Variants in ROCK1 observed in about 807,000 individuals in gnomAD.
The protein encoded by ROCK1 is rho-associated protein kinase 1.
In ROCK1, 36 loss-of-function variants were observed where a neutral mutation model predicts 196.8. That is an observed-to-expected ratio of 0.18 (90% CI 0.14 to 0.24). The LOEUF (loss-of-function observed/expected upper bound fraction) is 0.24. Ranked by LOEUF, ROCK1 falls within the 10% of genes least tolerant of loss-of-function variation. ROCK1 has a pLI of 1.00. For missense variants in ROCK1, 920 were observed against 1,562.0 expected (o/e 0.59, Z 6.93); for synonymous variants, 443 against 515.9 (o/e 0.86, Z 1.91).
At chr18:20,974,285 A>G (rs1332851549) in intron 22 of ROCK1, among the ~76,000 whole-genome samples, 1 of 152,196 alleles carries the variant, frequency 6.6e-6, no homozygotes, top group Non-Finnish European at 1.5e-5. Context: ...TAATTTTCTT[A>G]GGAGAGTAGT....
intron 13 of ROCK1, among the ~76,000 whole-genome samples, chr18:21,010,585 CTG>C (rs1300051656): frequency 6.6e-6 from 1 of 152,120 alleles, no homozygotes; most frequent in Non-Finnish European, 1.5e-5. Context: ...GGTCAGGAAA[CTG>C]TATGATTTCA....
chr18:20,992,407 A>G (rs546050359), intron 17 of ROCK1, among the ~76,000 whole-genome samples: 3 of 152,332 alleles, frequency 2.0e-5, no homozygotes, highest in Admixed American at 6.5e-5. Flanking sequence ...GCAAAGGCCA[A>G]TCACTTTATG....
intron 9 of ROCK1, among the ~76,000 whole-genome samples, chr18:21,036,490 G>A (rs1219632880): frequency 6.6e-6 from 1 of 152,074 alleles, no homozygotes; most frequent in Admixed American, 6.6e-5. Context: ...TGTTGCCCAG[G>A]CTGGAATGCA....
chr18:20,979,074 C>G (rs1364085081), intron 22 of ROCK1, among the ~76,000 whole-genome samples: 1 of 152,128 alleles, frequency 6.6e-6, no homozygotes, highest in Non-Finnish European at 1.5e-5. Flanking sequence ...TAAAATGAAG[C>G]TGTTACACTT....
At chr18:20,995,688 C>T (rs373942896) in intron 16 of ROCK1, among the ~76,000 whole-genome samples, 1 of 152,110 alleles carries the variant, frequency 6.6e-6, no homozygotes, top group East Asian at 1.9e-4. Context: ...CCCACCCTCT[C>T]CCTGGCAGCT....
intron 14 of ROCK1, among the ~76,000 whole-genome samples, chr18:21,007,461 A>C (rs949965917): frequency 1.3e-5 from 2 of 152,190 alleles, no homozygotes; most frequent in African/African-American, 4.8e-5. Flanking sequence ...TATGTATTAC[A>C]TTATGTTTCA....
chr18:21,026,445 GAAAAAAAAAAAAAAA>G (rs747563785), intron 10 of ROCK1, among the ~76,000 whole-genome samples: 1 of 35,308 alleles, frequency 2.8e-5, no homozygotes, highest in African/African-American at 1.1e-4. Context: ...ACTCTGTCTC[GAAAAAAAAAAAAAAA>G]AAAAAAAAAA....
chr18:21,039,461 A>T lies in ROCK1; in HGVS notation c.1051+11T>A. On this transcript the variant is annotated intron_variant, in intron 9 of 32. Coordinates refer to ENST00000399799, the MANE Select transcript of ROCK1 (RefSeq NM_005406.3). ...TATTCACTAAAATATGAAAGAAAAA[A>T]AAAAACTTACTGTCTCGGAGCGTTT... 6.3e-7 allele frequency: 1 copy of T among 1,591,922 alleles called. No homozygotes were observed. The highest frequency in any genetic ancestry group is 8.6e-7 in the Non-Finnish European group (1 of 1,169,324).
rs116192227 is a variant in ROCK1, at chr18:21,007,923, C to A, written c.1546+136G>T. 13 of 390,700 alleles carry A rather than the reference C, an allele frequency of 3.3e-5. No homozygotes were observed. The East Asian group carries it at 3.7e-4, about 11-fold the overall frequency. The allele number at this position is 390,700 out of a possible 1,614,324, so 24.2% of individuals were successfully genotyped here. A position where few individuals can be genotyped will look rare whatever the true frequency, so the allele number is the denominator to read the frequency against. On this transcript the variant is annotated intron_variant, in intron 14 of 32. Transcript: ENST00000399799. ...ACTATTTAATATGTTATAAATTTAA[C>A]CTGAGACCTGGGTTATTTAGCTTAT...
At chr18:20,981,067 G>C (rs188505773) in intron 21 of ROCK1, among the ~76,000 whole-genome samples, 1 of 151,866 alleles carries the variant, frequency 6.6e-6, no homozygotes, top group Non-Finnish European at 1.5e-5. Flanking sequence ...TGAGGGGTGG[G>C]ATGTACTGGG....
At chr18:21,047,504 AC>A (rs1381192036) in intron 4 of ROCK1, among the ~76,000 whole-genome samples, 9 of 152,226 alleles carry the variant, frequency 5.9e-5, no homozygotes, top group Admixed American at 5.9e-4. Flanking sequence ...GTTTAAAAGT[AC>A]TATGGTGACC....
Position 20,990,654 on chromosome 18 carries a change from T to C in ROCK1, c.2143+522A>G, listed in dbSNP as rs1161728173. Among the ~76,000 whole-genome samples the C allele has an allele frequency of 8.0e-5, 10 of 124,244 alleles. No individual in the cohort carries two copies. In the South Asian group the frequency reaches 1.9e-3, roughly 23 times the overall value. The allele number at this position is 124,244 out of a possible 152,430, so 81.5% of individuals were successfully genotyped here. On this transcript the variant is annotated intron_variant, in intron 18 of 32. Transcript: ENST00000399799. ...ACTGCATTGAGCCAAGATCACACCA[T>C]TGCACTCCAGCATGGGAGACAAGAG...
intron 1 of ROCK1, among the ~76,000 whole-genome samples, chr18:21,099,455 G>A (rs1598562885): frequency 2.0e-5 from 3 of 152,272 alleles, no homozygotes; most frequent in African/African-American, 7.2e-5. Flanking sequence ...TTTAAACCAC[G>A]TAAATGGGCC....
intron 10 of ROCK1, among the ~76,000 whole-genome samples, chr18:21,027,126 A>T (rs1008651169): frequency 1.3e-5 from 2 of 151,910 alleles, no homozygotes; most frequent in African/African-American, 4.8e-5. Context: ...TTTAGTAGAG[A>T]CGGGGTTTCA....
chr18:21,033,760 T>C (rs2036030550), intron 9 of ROCK1, among the ~76,000 whole-genome samples: 1 of 146,596 alleles, frequency 6.8e-6, no homozygotes, highest in Non-Finnish European at 1.5e-5. Flanking sequence ...GGCTCACGCC[T>C]GTAATCCCAG....
chr18:21,058,066 A>G (rs117546932), intron 2 of ROCK1, among the ~76,000 whole-genome samples: 84 of 152,306 alleles, frequency 5.5e-4, no homozygotes, highest in Non-Finnish European at 9.8e-4. Context: ...TGTGCAAAGA[A>G]ATAGAACAAA....
At position 20,948,178 on chromosome 18, in the gene ROCK1, T is replaced by TAC. The variant is rs1469719115; in HGVS notation, c.*3204_*3205dup. The TAC allele has an allele frequency of 6.6e-6, 1 of 152,214 alleles. No homozygotes were observed. The highest frequency in any genetic ancestry group is 1.5e-5 in the Non-Finnish European group (1 of 68,042). The allele number at this position is 152,214 out of a possible 1,614,324, so 9.4% of individuals were successfully genotyped here. On this transcript the variant is annotated 3_prime_UTR_variant, in exon 33 of 33. Transcript: ENST00000399799. ...AATAGCCAAGCCAATTGGGAGGGATTACAAAGTTGGACTTCTACTACAGAT... is the reference window on the plus strand; with the variant it reads ...AATAGCCAAGCCAATTGGGAGGGATTACACAAAGTTGGACTTCTACTACAGAT...
chr18:21,103,714 G>C (rs1325808905), intron 1 of ROCK1, among the ~76,000 whole-genome samples: 1 of 151,994 alleles, frequency 6.6e-6, no homozygotes, highest in African/African-American at 2.4e-5. Flanking sequence ...AAAAGTGCTG[G>C]GATTACAGAC....
intron 9 of ROCK1, among the ~76,000 whole-genome samples, chr18:21,031,604 CAAAAAAAA>C (rs781463990): frequency 1.9e-5 from 1 of 51,894 alleles, no homozygotes; most frequent in Non-Finnish European, 3.7e-5. Context: ...GACTCCATCT[CAAAAAAAA>C]AAAAAAAAAA....
Sources: allele counts gnomAD v4.1 joint callset (sites outside exome capture counted in the v4.1 genomes callset), GRCh38; gene constraint gnomAD v4.1.1; transcripts MANE v1.5; gene names NCBI Gene and HGNC (gene_info 2026-07-23, HGNC 2026-07-21).